The following NKAIN3 variants were observed in gnomAD, a reference collection of about 807,000 sequenced individuals.
NKAIN3 encodes sodium/potassium-transporting ATPase subunit beta-1-interacting protein 3.
NKAIN3 carries 25 observed loss-of-function variants against 30.2 expected under a neutral mutation model. The observed-to-expected ratio is 0.83, with a 90% CI of 0.60 to 1.16. NKAIN3 has a LOEUF of 1.16. Ranked by LOEUF, NKAIN3 falls within the 50% of genes most tolerant of loss-of-function variation. The probability of loss-of-function intolerance (pLI) is 0.00; values close to 1 mark genes in which losing one functional copy is unlikely to be tolerated. For missense variants in NKAIN3, 225 were observed against 254.1 expected, an observed-to-expected ratio of 0.89 and a Z score of 0.78; for synonymous variants, 91 against 89.6, an observed-to-expected ratio of 1.02 and a Z score of -0.09.
chr8:62,483,080 A>C (rs1215281417), intron 1 of NKAIN3: 1 of 152,210 alleles, frequency 6.6e-6, no homozygotes, highest in Admixed American at 6.5e-5. Context: ...CAACTTGAAG[A>C]TTTTGAATAA....
rs1814301751 is a variant in NKAIN3, at chr8:62,307,850, T to TA, written c.54+58724dup. ...GTAAAGTGAGTGGTATCAGGTTGTG[T>TA]AGTATGACTGTTTTCACTATACTAA... On this transcript the variant is annotated intron_variant, in intron 1 of 6. Transcript: ENST00000623646. Among the ~76,000 whole-genome samples, 3 of 150,698 alleles carry TA rather than the reference T, an allele frequency of 2.0e-5. No homozygotes were observed. The South Asian group carries it at 6.2e-4, about 31-fold the overall frequency.
At chr8:62,332,349 A>C (rs922668072) in intron 1 of NKAIN3, among the ~76,000 whole-genome samples, 1 of 152,150 alleles carries the variant, frequency 6.6e-6, no homozygotes, top group African/African-American at 2.4e-5. Context: ...ATTTTCAGTA[A>C]AAATAAAAAG....
intron 1 of NKAIN3, among the ~76,000 whole-genome samples, chr8:62,403,998 A>T (rs1803973949): frequency 6.6e-6 from 1 of 152,244 alleles, no homozygotes; most frequent in South Asian, 2.1e-4. Context: ...CTCTTGCAAC[A>T]GCATGCCCTG....
intron 1 of NKAIN3, among the ~76,000 whole-genome samples, chr8:62,400,148 T>C (rs1459010618): frequency 6.6e-6 from 1 of 151,288 alleles, no homozygotes; most frequent in African/African-American, 2.4e-5. Flanking sequence ...TCCTGTGTGG[T>C]AGATGCTATA....
chr8:62,414,353 G>A (rs1031429461), intron 1 of NKAIN3, among the ~76,000 whole-genome samples: 2 of 152,104 alleles, frequency 1.3e-5, no homozygotes, highest in African/African-American at 4.8e-5. Flanking sequence ...AGACACTTGA[G>A]GATTTGATTA....
chr8:62,912,016 A>G (rs1250373317), intron 4 of NKAIN3, among the ~76,000 whole-genome samples: 1 of 152,174 alleles, frequency 6.6e-6, no homozygotes, highest in Non-Finnish European at 1.5e-5. Flanking sequence ...ATGCGGCCTT[A>G]GGCGATTTCA....
chr8:62,442,613 T>C (rs139944935), intron 1 of NKAIN3, among the ~76,000 whole-genome samples: 2 of 151,990 alleles, frequency 1.3e-5, no homozygotes, highest in Admixed American at 1.3e-4. Context: ...TTAATTTTTT[T>C]ATTTTCTTTT....
At chr8:62,637,510 C>T (rs1472251792) in intron 3 of NKAIN3, among the ~76,000 whole-genome samples, 1 of 152,136 alleles carries the variant, frequency 6.6e-6, no homozygotes, top group Non-Finnish European at 1.5e-5. Flanking sequence ...AATAATGCTC[C>T]CAGGGAATGT....
intron 3 of NKAIN3, among the ~76,000 whole-genome samples, chr8:62,666,611 G>T (rs1813111088): frequency 6.6e-6 from 1 of 152,014 alleles, no homozygotes; most frequent in Non-Finnish European, 1.5e-5. Flanking sequence ...ATTTTTGTAT[G>T]TATAATTATT....
chr8:62,519,451 A>G (rs1432889685), intron 1 of NKAIN3, among the ~76,000 whole-genome samples: 2 of 152,162 alleles, frequency 1.3e-5, no homozygotes, highest in African/African-American at 4.8e-5. Flanking sequence ...CTCAGAATCT[A>G]TGATCATATA....
Position 62,892,780 on chromosome 8 carries a change from A to T in NKAIN3, c.472-25673A>T, listed in dbSNP as rs115802416. Among the ~76,000 whole-genome samples, 225 of 152,294 alleles carry T rather than the reference A, an allele frequency of 1.5e-3. 1 individual carries two copies. Among genetic ancestry groups the T allele is most frequent in the African/African-American group, 5.1e-3 (212 of 41,574 alleles). On this transcript the variant is annotated intron_variant, in intron 4 of 6. Transcript: ENST00000623646. ...TCTTCTATTAGCTTCTCACAAACAA[A>T]TAGAAGAAGGTGATACTCCTTCCTC...
chr8:62,873,666 C>T (rs1820712219), intron 4 of NKAIN3, among the ~76,000 whole-genome samples: 1 of 151,570 alleles, frequency 6.6e-6, no homozygotes, highest in Non-Finnish European at 1.5e-5. Context: ...AATTAGAACT[C>T]AGGAATAAGA....
At chr8:62,805,405 T>A (rs1298180624) in intron 4 of NKAIN3, among the ~76,000 whole-genome samples, 1 of 151,868 alleles carries the variant, frequency 6.6e-6, no homozygotes, top group Non-Finnish European at 1.5e-5. Flanking sequence ...CAAACTATAC[T>A]ACAAGGCTAC....
chr8:62,688,783 G>A (rs576547748), intron 3 of NKAIN3, among the ~76,000 whole-genome samples: 10 of 150,044 alleles, frequency 6.7e-5, no homozygotes, highest in East Asian at 5.9e-4. Context: ...AAACCATAAC[G>A]TATTCTCTCC....
intron 1 of NKAIN3, among the ~76,000 whole-genome samples, chr8:62,542,259 C>G (rs894301701): frequency 6.6e-6 from 1 of 152,158 alleles, no homozygotes; most frequent in African/African-American, 2.4e-5. Context: ...GTTGCCTACT[C>G]TAAATTCTTT....
intron 1 of NKAIN3, among the ~76,000 whole-genome samples, chr8:62,278,446 G>A (rs1184703059): frequency 6.6e-6 from 1 of 151,758 alleles, no homozygotes; most frequent in African/African-American, 2.4e-5. Flanking sequence ...TGTTACATAT[G>A]TATACATGTG....
Position 62,706,668 on chromosome 8 carries a change from T to C in NKAIN3, c.274-40264T>C, listed in dbSNP as rs183214071. Among the ~76,000 whole-genome samples, 12 of 152,284 alleles carry C rather than the reference T, an allele frequency of 7.9e-5. No individual in the cohort carries two copies. The East Asian group carries it at 2.1e-3, about 27-fold the overall frequency. On this transcript the variant is annotated intron_variant, in intron 3 of 6. Coordinates refer to ENST00000623646, the MANE Select transcript of NKAIN3 (RefSeq NM_001304533.3). The stretch of plus-strand genomic sequence containing the variant: ...ATGAAAGACTAAAATGGCATATTTT[T>C]AATATTTACTTATTTATTATTTTTA...
intron 3 of NKAIN3, among the ~76,000 whole-genome samples, chr8:62,736,923 T>C (rs1345699084): frequency 2.6e-5 from 4 of 152,144 alleles, no homozygotes; most frequent in African/African-American, 7.2e-5. Context: ...GCTCTCTAAA[T>C]TCATCTCAGC....
At chr8:62,742,059 G>A (rs1289085044) in intron 3 of NKAIN3, among the ~76,000 whole-genome samples, 4 of 151,884 alleles carry the variant, frequency 2.6e-5, no homozygotes, top group Admixed American at 6.6e-5. Context: ...TCTTAGCTGG[G>A]ACTCTTTTTC....
Sources: gnomAD v4.1 joint callset for allele counts (sites outside exome capture counted in the v4.1 genomes callset) on GRCh38, gnomAD v4.1.1 for gene constraint, MANE v1.5 for transcripts, NCBI Gene and HGNC (gene_info 2026-07-23, HGNC 2026-07-21) for gene names.